GPR149: variants seen among roughly 807,000 people sequenced by gnomAD.
The protein encoded by GPR149 is G protein-coupled receptor 149.
A neutral mutation model predicts 50.2 loss-of-function variants in GPR149; 50 were observed. The observed-to-expected ratio is 1.00, with a 90% confidence interval of 0.79 to 1.26. The LOEUF is 1.26. Among genes scored for constraint, GPR149 ranks in the 50% most tolerant of loss-of-function variants. The pLI is 0.00. For missense variants in GPR149, 983 were observed against 895.4 expected (o/e 1.10, Z -1.25); for synonymous variants, 405 against 358.2 (o/e 1.13, Z -1.48).
chr3:154,407,711 C>CACACACACACACACACACAT (rs1487240490), intron 3 of GPR149, among the ~76,000 whole-genome samples: 10 of 151,692 alleles, frequency 6.6e-5, no homozygotes, highest in Admixed American at 1.3e-4. Context: ...CACACACACA[C>CACACACACACACACACACAT]ACACACACAT....
chr3:154,403,218 A>C lies in GPR149; in HGVS notation c.1623+17821T>G, dbSNP rs182742793. Among the ~76,000 whole-genome samples the C allele has an allele frequency of 2.1e-3, 324 of 152,330 alleles. 1 individual carries two copies. The highest frequency in any genetic ancestry group is 7.1e-3 in the African/African-American group (297 of 41,580). ...TATCATAGTATAGAAGCCAGATCTT[A>C]GGAGCAGCATCTGAAAGCATTTTTT... is the stretch of plus-strand genomic sequence containing the variant. On this transcript the variant is annotated intron_variant, in intron 3 of 3. Coordinates refer to ENST00000389740, the MANE Select transcript of GPR149 (RefSeq NM_001038705.3).
rs754563477 is a variant in GPR149, at chr3:154,337,947, G to A, written c.1948C>T (p.Pro650Ser). 111 of 1,613,560 alleles carry A rather than the reference G, an allele frequency of 6.9e-5. 2 individuals are homozygous for A. The South Asian group carries it at 1.1e-3, about 15-fold the overall frequency. Reference sequence around the variant, plus strand: ...TCTTTCCTGGAGTAACGTAGGGATGGAGATCTGACTTGTGTGGAGGACTGA... The same window carrying A: ...TCTTTCCTGGAGTAACGTAGGGATGAAGATCTGACTTGTGTGGAGGACTGA... ...ISQSSTQVRSPSLRYSRKENR... is the reference protein window; with the variant it reads ...ISQSSTQVRSSSLRYSRKENR... Residue 650 changes from proline to serine, a missense_variant, in exon 4 of 4, where the codon CCA (proline) becomes TCA (serine). By Grantham distance (74) the Pro-to-Ser change is moderately conservative. Coordinates refer to ENST00000389740, the MANE Select transcript of GPR149 (RefSeq NM_001038705.3).
chr3:154,354,623 C>T (rs1483897248), intron 3 of GPR149: 6 of 199,286 alleles, frequency 3.0e-5, no homozygotes, highest in Non-Finnish European at 6.4e-5. Context: ...TACAACTCCT[C>T]TACAGGCTCC....
chr3:154,391,875 T>C (rs1019620308), intron 3 of GPR149, among the ~76,000 whole-genome samples: 2 of 151,764 alleles, frequency 1.3e-5, no homozygotes, highest in East Asian at 3.9e-4. Context: ...GCTATACTTA[T>C]ATTGGACAAA....
At chr3:154,352,554 T>A (rs1714105649) in intron 3 of GPR149, 1 of 775,142 alleles carries the variant, frequency 1.3e-6, no homozygotes, top group Non-Finnish European at 2.4e-6. Flanking sequence ...GGTGACATCC[T>A]GTATTTCCTC....
At chr3:154,381,013 C>A (rs701123) in intron 3 of GPR149, among the ~76,000 whole-genome samples, 32,883 of 152,162 alleles carry the variant, frequency 0.22, 3,985 homozygotes, top group Non-Finnish European at 0.27. Context: ...AAGATCAGGT[C>A]TCCACACTCA....
In GPR149 at chr3:154,381,997, G is replaced by GT. The variant is rs528185138; in HGVS notation, c.1623+39041dup. ...CTTCTATCATACCCTAAATGATAAG[G>GT]TTTTTTCTAATAGAGATAGTTGGTT... On this transcript the variant is annotated intron_variant, in intron 3 of 3. Coordinates refer to ENST00000389740, the MANE Select transcript of GPR149 (RefSeq NM_001038705.3). 2.7e-3 allele frequency among the ~76,000 whole-genome samples: 418 copies of GT among 152,200 alleles called. 1 individual carries two copies. The highest frequency in any genetic ancestry group is 1.7e-3 in the Non-Finnish European group (117 of 68,022).
chr3:154,370,288 A>G (rs1559977025), intron 3 of GPR149, among the ~76,000 whole-genome samples: 1 of 152,112 alleles, frequency 6.6e-6, no homozygotes, highest in Non-Finnish European at 1.5e-5. Context: ...CAACCTTGGT[A>G]TTCTATAACA....
Position 154,429,079 on chromosome 3 carries a change from G to A in GPR149, c.537C>T (p.Pro179=). The change falls in exon 1 of 4, where the codon CCC becomes CCT. Residue 179 remains proline, a synonymous_variant. Coordinates refer to ENST00000389740, the MANE Select transcript of GPR149 (RefSeq NM_001038705.3). The stretch of plus-strand genomic sequence containing the variant: ...TGGAGCAGTCCACCAGGCAGCCCCA[G>A]GGCGTGCGCACGAAGGCGCCCCAGC... ...LCGWGAFVRT[P]WGCLVDCSSS... The A allele has an allele frequency of 6.2e-7, 1 of 1,613,822 alleles. No individual in the cohort carries two copies. Among genetic ancestry groups the A allele is most frequent in the Non-Finnish European group, 8.5e-7 (1 of 1,179,946 alleles).
At chr3:154,350,938 C>T (rs2108388893) in intron 3 of GPR149, among the ~76,000 whole-genome samples, 1 of 152,098 alleles carries the variant, frequency 6.6e-6, no homozygotes, top group South Asian at 2.1e-4. Flanking sequence ...AATGCTATGT[C>T]AATAGCTGTT....
intron 3 of GPR149, among the ~76,000 whole-genome samples, chr3:154,366,437 T>C (rs1316774270): frequency 6.6e-6 from 1 of 152,228 alleles, no homozygotes; most frequent in Non-Finnish European, 1.5e-5. Flanking sequence ...GAAATTTGCA[T>C]CTGTAGACAA....
intron 3 of GPR149, among the ~76,000 whole-genome samples, chr3:154,356,918 C>T (rs1396475569): frequency 6.6e-6 from 1 of 152,290 alleles, no homozygotes; most frequent in Admixed American, 6.5e-5. Context: ...ATCACACTAC[C>T]TGACTTCAAA....
intron 3 of GPR149, among the ~76,000 whole-genome samples, chr3:154,408,882 C>G (rs1168117524): frequency 6.6e-6 from 1 of 152,228 alleles, no homozygotes; most frequent in African/African-American, 2.4e-5. Context: ...GCAGCTGATG[C>G]ACTCTTGAAA....
At chr3:154,377,620 C>T (rs112416629) in intron 3 of GPR149, among the ~76,000 whole-genome samples, 24 of 152,184 alleles carry the variant, frequency 1.6e-4, no homozygotes, top group African/African-American at 4.8e-4. Flanking sequence ...TTCGTCTCTG[C>T]CTCCCAAAGT....
At chr3:154,409,947 A>G (rs1301805632) in intron 3 of GPR149, among the ~76,000 whole-genome samples, 3 of 152,210 alleles carry the variant, frequency 2.0e-5, no homozygotes, top group Admixed American at 6.5e-5. Context: ...CCGAAAGTCA[A>G]GATAAAGGAA....
At position 154,429,097 on chromosome 3, in the gene GPR149, G is replaced by C; in HGVS notation, c.519C>G (p.Gly173=). 6.2e-7 allele frequency: 1 copy of C among 1,613,578 alleles called. No individual in the cohort carries two copies. Among genetic ancestry groups the C allele is most frequent in the Non-Finnish European group, 8.5e-7 (1 of 1,179,924 alleles). ...LLSALPLCGW[G]AFVRTPWGCL... ...AGCCCCAGGGCGTGCGCACGAAGGC[G>C]CCCCAGCCGCACAGCGGGAGCGCCG... is the stretch of plus-strand genomic sequence containing the variant. The change falls in exon 1 of 4, where the codon GGC becomes GGG. Residue 173 remains glycine (G), a synonymous_variant. Coordinates refer to ENST00000389740, the MANE Select transcript of GPR149 (RefSeq NM_001038705.3).
In GPR149 at chr3:154,424,624, G is replaced by C. The variant is rs1251393348; in HGVS notation, c.1174+2892C>G. Among the ~76,000 whole-genome samples, 5 of 151,734 alleles carry C rather than the reference G, an allele frequency of 3.3e-5. No homozygotes were observed. In the East Asian group the frequency reaches 9.7e-4, roughly 29 times the overall value. On this transcript the variant is annotated intron_variant, in intron 2 of 3. Transcript: ENST00000389740. ...TCTTTCACTGATTAATAATTTGCAA[G>C]AAACTTAAAAGCCATCAGAATATTG...
intron 3 of GPR149, among the ~76,000 whole-genome samples, chr3:154,412,678 C>T (rs1432427287): frequency 2.0e-5 from 3 of 152,054 alleles, no homozygotes; most frequent in African/African-American, 7.2e-5. Flanking sequence ...GAAGCACATC[C>T]CATGCTCATG....
At chr3:154,395,934 T>G (rs1376185276) in intron 3 of GPR149, among the ~76,000 whole-genome samples, 1 of 152,230 alleles carries the variant, frequency 6.6e-6, no homozygotes, top group Non-Finnish European at 1.5e-5. Context: ...TTCCTTAGGC[T>G]CAGATAGAGG....
Sources: gnomAD v4.1 joint callset for allele counts (sites outside exome capture counted in the v4.1 genomes callset) on GRCh38, gnomAD v4.1.1 for gene constraint, MANE v1.5 for transcripts, NCBI Gene and HGNC (gene_info 2026-07-23, HGNC 2026-07-21) for gene names.